The following IL2RB variants were observed in gnomAD, a reference collection of about 807,000 sequenced individuals.
IL2RB encodes the protein interleukin 2 receptor subunit beta, also known as interleukin-2 receptor subunit beta.
In IL2RB, 17 loss-of-function variants were observed where a neutral mutation model predicts 44.2. That is an observed-to-expected ratio of 0.38 (90% confidence interval 0.26 to 0.58). The LOEUF (loss-of-function observed/expected upper bound fraction) is 0.58, where lower values mean the gene tolerates loss of function less well. Ranked by LOEUF, IL2RB falls within the 20% of genes least tolerant of loss-of-function variation. The probability of loss-of-function intolerance (pLI) is 0.63; values close to 1 mark genes in which losing one functional copy is unlikely to be tolerated. For synonymous variants in IL2RB, 286 were observed against 297.9 expected (o/e 0.96, Z 0.41); for missense variants, 624 against 685.5 (o/e 0.91, Z 1.00).
chr22:37,136,478 C>A, intron 6 of IL2RB, 85 bp from the exon 7 acceptor site: 1 of 1,289,084 alleles, frequency 7.8e-7, no homozygotes, highest in Non-Finnish European at 1.1e-6. Context: ...CCCCCCCCAA[C>A]CCCTGCCAGC....
chr22:37,164,704 A>G (rs1333770047), intron 1 of IL2RB, among the ~76,000 whole-genome samples: 1 of 152,076 alleles, frequency 6.6e-6, no homozygotes, highest in Non-Finnish European at 1.5e-5. Flanking sequence ...AGCCCACCTC[A>G]GAGACACCAG....
chr22:37,144,314 C>T (rs1922124516), intron 1 of IL2RB, 109 bp from the exon 2 acceptor site: 6 of 1,360,848 alleles, frequency 4.4e-6, no homozygotes, highest in Non-Finnish European at 4.9e-6. Context: ...CTGCACTCCT[C>T]GGTGCCAGCT....
At chr22:37,171,453 A>T (rs2145744248) in intron 1 of IL2RB, among the ~76,000 whole-genome samples, 1 of 152,286 alleles carries the variant, frequency 6.6e-6, no homozygotes, top group Admixed American at 6.5e-5. Flanking sequence ...GGACTAAGTA[A>T]GTTTCATAGG....
Position 37,161,278 on chromosome 22 carries a change from C to A in IL2RB, c.-34+13680G>T, listed in dbSNP as rs146110635. On this transcript the variant is annotated intron_variant, in intron 1 of 5. Coordinates refer to the IL2RB transcript ENST00000429622. ...AGCGCCACTTTCAGAGGGAGGAGTG[C>A]AGCTGAGGGTGGCATTGACAAAGGG... is the stretch of plus-strand genomic sequence containing the variant. 4.3e-4 allele frequency among the ~76,000 whole-genome samples: 66 copies of A among 152,342 alleles called. No individual in the cohort carries two copies. In the East Asian group the frequency reaches 4.4e-3, roughly 10 times the overall value.
Position 37,127,976 on chromosome 22 carries a change from G to A in IL2RB, c.*120C>T. Reference sequence around the variant, plus strand: ...ACTGGGTGGGGGCCATCCGGGTGGAGAAGTCCAGCTGCAACTGGACACTGA... The same window carrying A: ...ACTGGGTGGGGGCCATCCGGGTGGAAAAGTCCAGCTGCAACTGGACACTGA... On this transcript the variant is annotated 3_prime_UTR_variant, in exon 10 of 10. Coordinates refer to ENST00000216223, the MANE Select transcript of IL2RB (RefSeq NM_000878.5). 1 of 789,570 alleles carries A rather than the reference G, an allele frequency of 1.3e-6. No individual in the cohort carries two copies. The highest frequency in any genetic ancestry group is 1.8e-6 in the Non-Finnish European group (1 of 551,494). 48.9% of individuals were successfully genotyped at this position (789,570 alleles called of 1,614,324 possible).
chr22:37,157,958 T>C (rs1023105193), intron 1 of IL2RB, among the ~76,000 whole-genome samples: 1 of 152,206 alleles, frequency 6.6e-6, no homozygotes, highest in Admixed American at 6.5e-5. Flanking sequence ...GATAGCATAT[T>C]TGAAGTTTCA....
chr22:37,144,326 A>C, intron 1 of IL2RB, 121 bp from the exon 2 acceptor site: 12 of 1,282,942 alleles, frequency 9.4e-6, no homozygotes, highest in Non-Finnish European at 1.3e-5. Flanking sequence ...GTGCCAGCTC[A>C]GTCCAGCCCC....
chr22:37,158,885 C>T (rs954983356), intron 1 of IL2RB, among the ~76,000 whole-genome samples: 2 of 152,184 alleles, frequency 1.3e-5, no homozygotes, highest in Admixed American at 6.5e-5. Context: ...CATCCTCCGC[C>T]GTCTTCACTA....
intron 1 of IL2RB, among the ~76,000 whole-genome samples, chr22:37,173,301 C>T (rs1015437741): frequency 6.6e-6 from 1 of 152,176 alleles, no homozygotes; most frequent in African/African-American, 2.4e-5. Flanking sequence ...TGTAATGTCT[C>T]TCTCCCCTAT....
intron 1 of IL2RB, among the ~76,000 whole-genome samples, chr22:37,174,659 G>T (rs1923394076): frequency 6.6e-6 from 1 of 152,192 alleles, no homozygotes; most frequent in Non-Finnish European, 1.5e-5. Context: ...TCTTTGGGGA[G>T]GCAGATTTGA....
intron 8 of IL2RB, among the ~76,000 whole-genome samples, chr22:37,133,844 C>T (rs3218361): frequency 0.015 from 2,229 of 152,342 alleles, 36 homozygotes; most frequent in Non-Finnish European, 0.023. Context: ...TCTCCAGCCA[C>T]ACCAGCGCCC....
Position 37,162,375 on chromosome 22 carries a change from C to T in IL2RB, c.-34+12583G>A, listed in dbSNP as rs111307278. Among the ~76,000 whole-genome samples the T allele has an allele frequency of 8.9e-3, 1,358 of 152,270 alleles. 28 individuals carry two copies. Among genetic ancestry groups the T allele is most frequent in the African/African-American group, 0.028 (1,184 of 41,544 alleles). On this transcript the variant is annotated intron_variant, in intron 1 of 5. Coordinates refer to the IL2RB transcript ENST00000429622. The stretch of plus-strand genomic sequence containing the variant: ...GTACTGGTGGGGTAGGTGACCCAAA[C>T]ATGGGGGAGAGCTGACCCTGAGCTC...
chr22:37,142,567 C>T (rs771172012), intron 3 of IL2RB, 55 bp from the exon 4 acceptor site: 1 of 1,539,910 alleles, frequency 6.5e-7, no homozygotes, highest in South Asian at 1.1e-5. Flanking sequence ...CACAGCTGGC[C>T]CAAGGGACTC....
Position 37,139,147 on chromosome 22 carries a change from C to T in IL2RB, c.358G>A (p.Ala120Thr), listed in dbSNP as rs865847276. The change falls in exon 5 of 10, where the codon GCC (alanine) becomes ACC (threonine). Residue 120 changes from alanine to threonine, a missense_variant. Transcript: ENST00000216223. ...CREGVRWRVM[A>T]IQDFKPFENL... is the part of the protein sequence containing the mutation. The stretch of plus-strand genomic sequence containing the variant: ...TCAAAGGGCTTGAAGTCCTGGATGG[C>T]CATCACCCTCCATCGCACCCCCTCA... The T allele has an allele frequency of 3.7e-6, 6 of 1,613,284 alleles. No homozygotes were observed. Among genetic ancestry groups the T allele is most frequent in the Non-Finnish European group, 5.1e-6 (6 of 1,179,356 alleles).
chr22:37,148,770 G>A (rs3218253), intron 1 of IL2RB, among the ~76,000 whole-genome samples: 32,789 of 152,004 alleles, frequency 0.22, 3,773 homozygotes, highest in Non-Finnish European at 0.27. Context: ...TCTCACCCAG[G>A]CGAGAAGGGC....
At chr22:37,173,849 C>G (rs1401695525) in intron 1 of IL2RB, among the ~76,000 whole-genome samples, 1 of 152,226 alleles carries the variant, frequency 6.6e-6, no homozygotes, top group East Asian at 1.9e-4. Context: ...CCAACTATTG[C>G]TAAACACTAT....
At chr22:37,172,160 A>C (rs1028737373) in intron 1 of IL2RB, among the ~76,000 whole-genome samples, 2 of 150,416 alleles carry the variant, frequency 1.3e-5, no homozygotes, top group African/African-American at 4.9e-5. Context: ...TTGGCACCTC[A>C]GTTGAGGCTC....
intron 7 of IL2RB, 132 bp from the exon 8 acceptor site, chr22:37,135,574 G>T: frequency 1.6e-6 from 1 of 617,656 alleles, no homozygotes; most frequent in Non-Finnish European, 2.9e-6. Flanking sequence ...TGGGGACAGG[G>T]TTCTGCTAAG....
rs1475739430 is a variant in IL2RB, at chr22:37,139,231, G to T, written c.283-9C>A. On this transcript the variant is annotated splice_polypyrimidine_tract_variant and intron_variant, in intron 4 of 9. Coordinates refer to ENST00000216223, the MANE Select transcript of IL2RB (RefSeq NM_000878.5). ...GTGGTCAGTTTCTGAGACTGCAAGGGAAGGAGGGCAGGGGTGAAACTTCTA... is the reference window on the plus strand; with the variant it reads ...GTGGTCAGTTTCTGAGACTGCAAGGTAAGGAGGGCAGGGGTGAAACTTCTA... 1 of 1,595,380 alleles carries T rather than the reference G, an allele frequency of 6.3e-7. No homozygotes were observed. The highest frequency in any genetic ancestry group is 8.6e-7 in the Non-Finnish European group (1 of 1,165,508).
Sources: gnomAD v4.1 joint callset for allele counts (sites outside exome capture counted in the v4.1 genomes callset) on GRCh38, gnomAD v4.1.1 for gene constraint, MANE v1.5 for transcripts, NCBI Gene and HGNC (gene_info 2026-07-23, HGNC 2026-07-21) for gene names.